C12orf54: variants seen among roughly 807,000 people sequenced by gnomAD.
C12orf54 encodes chromosome 12 open reading frame 54, also known as uncharacterized protein C12orf54.
C12orf54 carries 24 observed loss-of-function variants against 26.4 expected under a neutral mutation model. The observed-to-expected ratio is 0.91, with a 90% CI of 0.66 to 1.28. The LOEUF is 1.28. Ranked by LOEUF, C12orf54 falls within the 50% of genes most tolerant of loss-of-function variation. The pLI, the probability that C12orf54 is intolerant of heterozygous loss-of-function variation, is 0.00. For synonymous variants in C12orf54, 54 were observed against 47.0 expected, an observed-to-expected ratio of 1.15 and a Z score of -0.61; for missense variants, 154 against 150.9, an observed-to-expected ratio of 1.02 and a Z score of -0.11.
intron 6 of C12orf54, among the ~76,000 whole-genome samples, chr12:48,491,281 C>T (rs532605805): frequency 6.6e-6 from 1 of 152,296 alleles, no homozygotes; most frequent in South Asian, 2.1e-4. Context: ...CCAACTTTTT[C>T]ACTGTGTCCT....
the C12orf54 span, among the ~76,000 whole-genome samples, chr12:48,457,271 T>TG: frequency 2.3e-5 from 3 of 133,032 alleles, no homozygotes; most frequent in Admixed American, 1.7e-4. Context: ...CAAGCAGTTT[T>TG]TTGTTGTTGT....
At chr12:48,476,034 T>G in the C12orf54 span, among the ~76,000 whole-genome samples, 1 of 151,932 alleles carries the variant, frequency 6.6e-6, no homozygotes, top group Non-Finnish European at 1.5e-5. Context: ...CCCATCAGAC[T>G]AACAGCTGAT....
chr12:48,484,791 C>T (rs563810459), intron 2 of C12orf54, among the ~76,000 whole-genome samples: 1 of 152,310 alleles, frequency 6.6e-6, no homozygotes, highest in South Asian at 2.1e-4. Context: ...CCTAAATACT[C>T]TTGATTTGAT....
the C12orf54 span, among the ~76,000 whole-genome samples, chr12:48,453,095 C>T: frequency 6.6e-6 from 1 of 152,072 alleles, no homozygotes; most frequent in Admixed American, 6.6e-5. Flanking sequence ...AAGCTAAATG[C>T]CCATCAATGA....
At chr12:48,490,708 C>T in intron 5 of C12orf54, 104 bp from the exon 6 acceptor site, 1 of 1,348,202 alleles carries the variant, frequency 7.4e-7, no homozygotes, top group Admixed American at 2.0e-5. Flanking sequence ...CCATATTTTC[C>T]CAAACAGACA....
At chr12:48,486,589 C>T (rs1954269383) in intron 3 of C12orf54, 99 bp from the exon 4 acceptor site, 1 of 1,315,240 alleles carries the variant, frequency 7.6e-7, no homozygotes. Flanking sequence ...CAGCTCAATT[C>T]CAAGAAACAT....
chr12:48,443,111 C>T, the C12orf54 span, among the ~76,000 whole-genome samples: 1 of 152,202 alleles, frequency 6.6e-6, no homozygotes, highest in East Asian at 1.9e-4. Context: ...CCCTATATTT[C>T]CTAAACCTGT....
chr12:48,472,521 A>C, the C12orf54 span: 1 of 881,766 alleles, frequency 1.1e-6, no homozygotes, highest in Middle Eastern at 3.1e-4. Context: ...GGGAGATAAT[A>C]GATTTTGGGT....
At chr12:48,438,349 A>T in the C12orf54 span, among the ~76,000 whole-genome samples, 5 of 152,260 alleles carry the variant, frequency 3.3e-5, no homozygotes, top group East Asian at 9.6e-4. Flanking sequence ...TATAGATTCA[A>T]TGCCATCCCC....
At chr12:48,491,412 A>G (rs1172626386) in intron 6 of C12orf54, among the ~76,000 whole-genome samples, 1 of 152,102 alleles carries the variant, frequency 6.6e-6, no homozygotes, top group Non-Finnish European at 1.5e-5. Flanking sequence ...ACTTAATATC[A>G]TTGCTTTGGG....
At chr12:48,487,564 G>A (rs1937678628) in intron 4 of C12orf54, among the ~76,000 whole-genome samples, 1 of 152,178 alleles carries the variant, frequency 6.6e-6, no homozygotes, top group African/African-American at 2.4e-5. Flanking sequence ...ATTAGCTAAA[G>A]AGTAAGTTGC....
the C12orf54 span, among the ~76,000 whole-genome samples, chr12:48,434,781 C>A: frequency 1.3e-5 from 2 of 151,996 alleles, no homozygotes; most frequent in Non-Finnish European, 2.9e-5. Flanking sequence ...TCATCAAAGA[C>A]CAAAGGTAGA....
the C12orf54 span, among the ~76,000 whole-genome samples, chr12:48,467,231 C>T: frequency 2.0e-5 from 3 of 152,150 alleles, no homozygotes; most frequent in Admixed American, 6.6e-5. Flanking sequence ...AAACGAACTA[C>T]ACAGATTGTC....
chr12:48,450,072 C>T, the C12orf54 span, among the ~76,000 whole-genome samples: 1 of 152,148 alleles, frequency 6.6e-6, no homozygotes, highest in Non-Finnish European at 1.5e-5. Flanking sequence ...TCTTTTTCTT[C>T]CCCGTTTTGG....
chr12:48,475,081 C>A, the C12orf54 span, among the ~76,000 whole-genome samples: 1 of 152,166 alleles, frequency 6.6e-6, no homozygotes, highest in Non-Finnish European at 1.5e-5. Flanking sequence ...TCAGCATTTG[C>A]GGTTCACCAA....
At chr12:48,434,532 C>T in the C12orf54 span, among the ~76,000 whole-genome samples, 2 of 152,210 alleles carry the variant, frequency 1.3e-5, no homozygotes, top group Admixed American at 6.5e-5. Flanking sequence ...GGACTGACAC[C>T]TCACACGGCC....
the C12orf54 span, among the ~76,000 whole-genome samples, chr12:48,467,641 G>T: frequency 1.3e-5 from 2 of 151,954 alleles, no homozygotes; most frequent in Non-Finnish European, 2.9e-5. Flanking sequence ...AGGATGGGAG[G>T]GTCAGAATGG....
At chr12:48,449,473 T>C in the C12orf54 span, among the ~76,000 whole-genome samples, 1 of 152,206 alleles carries the variant, frequency 6.6e-6, no homozygotes. Context: ...CATGAGAATT[T>C]ATGGTTTGTA....
the C12orf54 span, among the ~76,000 whole-genome samples, chr12:48,424,317 T>A: frequency 6.6e-6 from 1 of 152,134 alleles, no homozygotes; most frequent in Non-Finnish European, 1.5e-5. Flanking sequence ...TATTCTTGTA[T>A]GTTTTTGTCT....
Sources: gnomAD v4.1 joint callset for allele counts (sites outside exome capture counted in the v4.1 genomes callset) on GRCh38, gnomAD v4.1.1 for gene constraint, MANE v1.5 for transcripts, NCBI Gene and HGNC (gene_info 2026-07-23, HGNC 2026-07-21) for gene names.